Variants in KCNK10 observed in about 807,000 individuals in gnomAD.
KCNK10 encodes potassium channel subfamily K member 10.
Under a neutral mutation model 47.7 loss-of-function variants are expected in KCNK10, and 25 were observed. The ratio of observed to expected loss-of-function variants is 0.52; its 90% CI spans 0.38 to 0.73. The LOEUF (loss-of-function observed/expected upper bound fraction) is 0.73, where lower values mean the gene tolerates loss of function less well. Among genes scored for constraint, KCNK10 ranks in the 30% least tolerant of loss-of-function variants. The pLI is 0.00. For missense variants in KCNK10, 563 were observed against 714.5 expected, an observed-to-expected ratio of 0.79 and a Z score of 2.42; for synonymous variants, 303 against 285.6, an observed-to-expected ratio of 1.06 and a Z score of -0.61.
chr14:88,280,972 G>A (rs1887638646), intron 1 of KCNK10, among the ~76,000 whole-genome samples: 1 of 150,654 alleles, frequency 6.6e-6, no homozygotes, highest in Non-Finnish European at 1.5e-5. Context: ...TAAAATGCAA[G>A]CCCCTTATCA....
At chr14:88,216,883 G>A (rs549193350) in intron 4 of KCNK10, among the ~76,000 whole-genome samples, 45 of 152,190 alleles carry the variant, frequency 3.0e-4, no homozygotes, top group Non-Finnish European at 5.6e-4. Context: ...ACGGCAGGGC[G>A]TGGTGGCTCA....
chr14:88,310,306 C>G (rs1219529300), intron 1 of KCNK10, among the ~76,000 whole-genome samples: 2 of 150,124 alleles, frequency 1.3e-5, no homozygotes, highest in Admixed American at 6.6e-5. Context: ...AGTGGCTAGG[C>G]TGTGACTTCT....
At chr14:88,207,162 C>T (rs956674414) in intron 4 of KCNK10, among the ~76,000 whole-genome samples, 2 of 147,064 alleles carry the variant, frequency 1.4e-5, no homozygotes, top group African/African-American at 5.1e-5. Flanking sequence ...ATTTCAAGGT[C>T]ACTCTCTTTT....
rs538667639 is a variant in KCNK10 at position 88,229,249 on chromosome 14, C to T, written c.521-1714G>A. On this transcript the variant is annotated intron_variant, in intron 3 of 6. Coordinates refer to ENST00000319231, the MANE Select transcript of KCNK10 (RefSeq NM_138317.3). ...CAAGTGCTACACCCCCTTCCTCCAG[C>T]TTTCAGAGATGACCACCCCCACCCA... 4.6e-5 allele frequency among the ~76,000 whole-genome samples: 7 copies of T among 152,288 alleles called. No individual in the cohort carries two copies. In the East Asian group the frequency reaches 1.4e-3, roughly 29 times the overall value.
intron 1 of KCNK10, among the ~76,000 whole-genome samples, chr14:88,296,527 T>C (rs1478412349): frequency 6.6e-6 from 1 of 152,192 alleles, no homozygotes; most frequent in African/African-American, 2.4e-5. Flanking sequence ...ATGAGTCCTA[T>C]CTCCCATGCT....
intron 1 of KCNK10, among the ~76,000 whole-genome samples, chr14:88,284,377 T>C (rs753127273): frequency 5.3e-5 from 8 of 152,026 alleles, no homozygotes; most frequent in Admixed American, 2.0e-4. Context: ...GATGTACATA[T>C]GAAAGGGAAT....
chr14:88,307,326 A>ATC (rs1173813743), intron 1 of KCNK10, among the ~76,000 whole-genome samples: 1 of 51,966 alleles, frequency 1.9e-5, no homozygotes, highest in Non-Finnish European at 4.7e-5. Flanking sequence ...AAAGAAGCTG[A>ATC]TCACACACAC....
intron 1 of KCNK10, among the ~76,000 whole-genome samples, chr14:88,304,480 T>A (rs566468198): frequency 6.6e-6 from 1 of 152,342 alleles, no homozygotes; most frequent in South Asian, 2.1e-4. Context: ...ATATTCATGG[T>A]GTTCTGCAGT....
chr14:88,273,940 A>G (rs73328084), intron 1 of KCNK10, among the ~76,000 whole-genome samples: 6,428 of 152,212 alleles, frequency 0.042, 438 homozygotes, highest in African/African-American at 0.15. Context: ...CCTGGGGCCA[A>G]GGGTTTTAAA....
At chr14:88,212,420 A>G (rs1320346106) in intron 4 of KCNK10, among the ~76,000 whole-genome samples, 1 of 152,052 alleles carries the variant, frequency 6.6e-6, no homozygotes, top group Non-Finnish European at 1.5e-5. Context: ...AGCCTGGGCA[A>G]CAAGAGCAAA....
rs35179933 is a variant in KCNK10, at chr14:88,322,408, G to GACACAC, written c.52+333_52+338dup. 3.8e-3 allele frequency among the ~76,000 whole-genome samples: 565 copies of GACACAC among 150,134 alleles called. 5 individuals carry two copies. The highest frequency in any genetic ancestry group is 0.017 in the East Asian group (83 of 5,020). On this transcript the variant is annotated intron_variant, in intron 1 of 6. Transcript: ENST00000319231. This position sits in a 1 kb window ranked among gnomAD's most constrained non-coding sequence, Gnocchi z 4.8. Reference sequence around the variant, plus strand: ...GAGACAAAGATCACCAGAAACAAAGGACACACACACACACACACACACACA... The same window carrying GACACAC: ...GAGACAAAGATCACCAGAAACAAAGGACACACACACACACACACACACACACACACA...
intron 1 of KCNK10, among the ~76,000 whole-genome samples, chr14:88,263,955 G>T (rs1887188885): frequency 6.6e-6 from 1 of 152,154 alleles, no homozygotes; most frequent in African/African-American, 2.4e-5. Flanking sequence ...GAAGTAAATA[G>T]GAGAGGGATA....
At chr14:88,196,608 T>C (rs1023206904) in intron 4 of KCNK10, among the ~76,000 whole-genome samples, 3 of 152,240 alleles carry the variant, frequency 2.0e-5, no homozygotes, top group East Asian at 1.9e-4. Flanking sequence ...GCTGGGAAAT[T>C]ATTTATTCAT....
At chr14:88,292,735 T>C (rs10131101) in intron 1 of KCNK10, among the ~76,000 whole-genome samples, 150,846 of 152,230 alleles carry the variant, frequency 0.99, 74,752 homozygotes, top group Middle Eastern at 1. Flanking sequence ...CTTGTTCAAG[T>C]GACTCTTGTG....
chr14:88,284,488 C>T (rs773912249), intron 1 of KCNK10, among the ~76,000 whole-genome samples: 10 of 152,172 alleles, frequency 6.6e-5, no homozygotes, highest in Admixed American at 6.5e-5. Context: ...AAAACTCAAA[C>T]GTAGGGAAGC....
intron 4 of KCNK10, among the ~76,000 whole-genome samples, chr14:88,220,894 A>G (rs1384510238): frequency 3.3e-5 from 5 of 152,098 alleles, no homozygotes; most frequent in African/African-American, 1.2e-4. Flanking sequence ...GCTCTGTTAA[A>G]GACACTATCA....
At chr14:88,224,125 T>C (rs1407920842) in intron 4 of KCNK10, among the ~76,000 whole-genome samples, 1 of 152,244 alleles carries the variant, frequency 6.6e-6, no homozygotes, top group Non-Finnish European at 1.5e-5. Context: ...ACCTTTCCTT[T>C]GTTTCTGAAC....
intron 4 of KCNK10, among the ~76,000 whole-genome samples, chr14:88,212,055 A>T (rs1885474423): frequency 6.6e-6 from 1 of 151,244 alleles, no homozygotes. Context: ...GAAGGTTAAA[A>T]ATATCCTTGA....
intron 1 of KCNK10, among the ~76,000 whole-genome samples, chr14:88,316,493 T>A (rs578248049): frequency 6.6e-6 from 1 of 152,296 alleles, no homozygotes; most frequent in East Asian, 1.9e-4. Context: ...GGAAGGTCCC[T>A]TTGACCTCCA....
Sources: gnomAD v4.1 joint callset for allele counts (sites outside exome capture counted in the v4.1 genomes callset) on GRCh38, gnomAD v4.1.1 for gene constraint, Gnocchi (gnomAD v3.1) non-coding constraint, MANE v1.5 for transcripts, NCBI Gene and HGNC (gene_info 2026-07-23, HGNC 2026-07-21) for gene names.